The following LAMA5 variants were observed in gnomAD, a reference collection of about 807,000 sequenced individuals.
LAMA5 encodes laminin subunit alpha 5, also known as laminin subunit alpha-5.
In LAMA5, 260 loss-of-function variants were observed where a neutral mutation model predicts 433.4. The observed-to-expected ratio is 0.60, with a 90% CI of 0.54 to 0.66. The LOEUF (loss-of-function observed/expected upper bound fraction) is 0.66. LAMA5 is among the 30% of genes least tolerant of loss of function. LAMA5 has a pLI of 0.00. For synonymous variants in LAMA5, 2,620 were observed against 2,226.6 expected (o/e 1.18, Z -4.97); for missense variants, 5,378 against 5,258.5 (o/e 1.02, Z -0.70).
chr20:62,319,936 TGTTA>T (rs1179753069), intron 50 of LAMA5, 141 bp from the exon 51 acceptor site: 1 of 556,910 alleles, frequency 1.8e-6, no homozygotes, highest in South Asian at 2.4e-5. Context: ...TCTGATGACT[TGTTA>T]TTTATCACTT....
chr20:62,335,774 T>C (rs1266402126), intron 18 of LAMA5, among the ~76,000 whole-genome samples: 1 of 124,874 alleles, frequency 8.0e-6, no homozygotes, highest in Non-Finnish European at 1.6e-5. Context: ...CAGGGCACAC[T>C]CATGGACTCC....
intron 11 of LAMA5, among the ~76,000 whole-genome samples, chr20:62,339,777 G>T (rs1191701621): frequency 6.6e-6 from 1 of 152,136 alleles, no homozygotes; most frequent in Non-Finnish European, 1.5e-5. Flanking sequence ...TCTAACTTGT[G>T]AAAGTCAGGA....
At chr20:62,317,857 A>T in intron 53 of LAMA5, 79 bp from the exon 54 acceptor site, 2 of 230,116 alleles carry the variant, frequency 8.7e-6, no homozygotes, top group Non-Finnish European at 6.7e-6. Flanking sequence ...ACAGCAGGGC[A>T]GGGAAGGGAG....
chr20:62,314,148 A>AGAGACGAGGGGTGGCGAGTGGGCACG, intron 62 of LAMA5, among the ~76,000 whole-genome samples, 156 bp downstream of exon 62: 1 of 133,580 alleles, frequency 7.5e-6, no homozygotes, highest in Non-Finnish European at 1.6e-5. Context: ...GAGTGGGCAC[A>AGAGACGAGGGGTGGCGAGTGGGCACG]GAGACGAGGG....
At chr20:62,329,107 C>T (rs370848944) in intron 33 of LAMA5, 31 bp downstream of exon 33, 306 of 1,611,920 alleles carry the variant, frequency 1.9e-4, no homozygotes, top group South Asian at 4.6e-4. Context: ...ACCCCCACCC[C>T]GGACCCCTGA....
intron 1 of LAMA5, among the ~76,000 whole-genome samples, chr20:62,366,670 C>G (rs1239523258): frequency 6.6e-6 from 1 of 152,242 alleles, no homozygotes; most frequent in African/African-American, 2.4e-5. Context: ...CTGGGCCCGG[C>G]CCCCCTCCCG....
At chr20:62,363,352 G>C (rs1423433369) in intron 1 of LAMA5, among the ~76,000 whole-genome samples, 1 of 152,190 alleles carries the variant, frequency 6.6e-6, no homozygotes, top group Admixed American at 6.5e-5. Context: ...CCAAAGAGTG[G>C]GGATAAGGCT....
chr20:62,325,652 C>G (rs1979166084), intron 40 of LAMA5, 106 bp from the exon 41 acceptor site: 1 of 716,776 alleles, frequency 1.4e-6, no homozygotes, highest in Admixed American at 3.2e-5. Context: ...GCACAAAGAC[C>G]ATGGGGCAGG....
chr20:62,361,948 GGCC>G (rs999414554), intron 2 of LAMA5, among the ~76,000 whole-genome samples: 2 of 152,178 alleles, frequency 1.3e-5, no homozygotes, highest in African/African-American at 2.4e-5. Context: ...AACCCTCAGT[GGCC>G]GCCACCTCGG....
At chr20:62,323,048 G>T (rs1414773852) in intron 45 of LAMA5, among the ~76,000 whole-genome samples, 1 of 144,200 alleles carries the variant, frequency 6.9e-6, no homozygotes, top group Non-Finnish European at 1.5e-5. Context: ...GGGACTGATT[G>T]TGGGGGGAGA....
At chr20:62,335,149 AAGTGGGGC>A in intron 19 of LAMA5, 23 bp from the exon 20 acceptor site, 1 of 1,612,642 alleles carries the variant, frequency 6.2e-7, no homozygotes, top group South Asian at 1.1e-5. Context: ...GGAGGAGGTG[AAGTGGGGC>A]AGGGGAGGGT....
Position 62,320,795 on chromosome 20 carries a change from T to C in LAMA5, c.6592A>G (p.Ser2198Gly), listed in dbSNP as rs1318201776. 2 of 1,612,636 alleles carry C rather than the reference T, an allele frequency of 1.2e-6. No homozygotes were observed. The highest frequency in any genetic ancestry group is 1.1e-5 in the South Asian group (1 of 91,072). The stretch of plus-strand genomic sequence containing the variant: ...TGCAGACGGGCCCAGGCCATGGAGC[T>C]GGCATTGATGCCACGCAGTTGCTCG... ...IHEQLRGINA[S>G]SMAWARLHRL... Residue 2198 changes from serine to glycine, a missense_variant, in exon 49 of 80, where the codon AGC becomes GGC. Ser to Gly is a moderately conservative substitution (Grantham distance 56, BLOSUM62 0). Transcript: ENST00000252999.
At chr20:62,315,847 C>T in intron 58 of LAMA5, 101 bp downstream of exon 58, 1 of 912,866 alleles carries the variant, frequency 1.1e-6, no homozygotes, top group Non-Finnish European at 1.7e-6. Flanking sequence ...GGGGTCTCTT[C>T]CACAGCACAG....
chr20:62,362,251 T>C (rs1429824741), intron 2 of LAMA5, 149 bp downstream of exon 2: 2 of 706,276 alleles, frequency 2.8e-6, no homozygotes, highest in East Asian at 3.4e-5. Flanking sequence ...CTGTGGGGAC[T>C]CCCCCCACCA....
At chr20:62,322,216 C>T (rs45596242) in intron 47 of LAMA5, 48 bp from the exon 48 acceptor site, 39,210 of 1,560,298 alleles carry the variant, frequency 0.025, 566 homozygotes, top group Non-Finnish European at 0.029. Context: ...GACCTTGGAG[C>T]GTACCCCACT....
In LAMA5 at chr20:62,367,011, C is replaced by T. The variant is rs1356205874; in HGVS notation, c.235G>A (p.Asp79Asn). 3 of 1,279,456 alleles carry T rather than the reference C, an allele frequency of 2.3e-6. No individual in the cohort carries two copies. The highest frequency in any genetic ancestry group is 1.5e-5 in the African/African-American group (1 of 65,706). The allele number at this position is 1,279,456 out of a possible 1,614,324, so 79.3% of individuals were successfully genotyped here. A position where few individuals can be genotyped will look rare whatever the true frequency, so the allele number is the denominator to read the frequency against. The part of the protein sequence containing the change: ...PARGSPRPTE[D>N]LYCKLVGGPV... ...CCCCCTACCAGCTTGCAGTAAAGGT[C>T]CTCGGTGGGGCGCGGGGAGCCGCGC... Residue 79 changes from aspartate to asparagine, a missense_variant, in exon 1 of 80, where the codon GAC becomes AAC. Physicochemically the swap from Asp to Asn is conservative, Grantham distance 23. Coordinates refer to ENST00000252999, the MANE Select transcript of LAMA5 (RefSeq NM_005560.6).
chr20:62,329,621 G>A (rs770382940), intron 32 of LAMA5, among the ~76,000 whole-genome samples, 156 bp downstream of exon 32: 13 of 152,312 alleles, frequency 8.5e-5, no homozygotes, highest in Non-Finnish European at 1.3e-4. Flanking sequence ...CTCACAAGGT[G>A]GATCGGGAGG....
In LAMA5 at chr20:62,312,521, A is replaced by G. The variant is rs1218094114; in HGVS notation, c.9239T>C (p.Leu3080Pro). The G allele has an allele frequency of 1.3e-6, 2 of 1,599,050 alleles. No individual in the cohort carries two copies. The highest frequency in any genetic ancestry group is 2.2e-5 in the East Asian group (1 of 44,872). ...ACGGACTGAGCCTCCGGTGGGGAAG[A>G]GCCGTCGCAGGCTGTGGGGAAGCGG... ...PDQLPPSLRR[L>P]FPTGGSVRGC... The change falls in exon 68 of 80, where the codon CTC (leucine) becomes CCC (proline). Residue 3080 changes from leucine to proline, a missense_variant. Coordinates refer to ENST00000252999, the MANE Select transcript of LAMA5 (RefSeq NM_005560.6).
chr20:62,315,732 C>T (rs1221496851), intron 58 of LAMA5, among the ~76,000 whole-genome samples: 1 of 152,228 alleles, frequency 6.6e-6, no homozygotes, highest in Middle Eastern at 3.2e-3. Flanking sequence ...ACCCAAAGCA[C>T]TTCCAAGCTT....
Sources: allele counts gnomAD v4.1 joint callset (sites outside exome capture counted in the v4.1 genomes callset), GRCh38; gene constraint gnomAD v4.1.1; transcripts MANE v1.5; gene names NCBI Gene and HGNC (gene_info 2026-07-23, HGNC 2026-07-21).